The following ARHGAP39 variants were observed in gnomAD, a reference collection of about 807,000 sequenced individuals.
ARHGAP39 encodes the protein Rho GTPase activating protein 39, also known as rho GTPase-activating protein 39.
In ARHGAP39, 44 loss-of-function variants were observed where a neutral mutation model predicts 106.9. That is an observed-to-expected ratio of 0.41 (90% CI 0.32 to 0.53). The LOEUF is 0.53. Among genes scored for constraint, ARHGAP39 ranks in the 20% least tolerant of loss-of-function variants. The pLI is 0.21. For missense variants in ARHGAP39, 1,496 were observed against 1,577.3 expected (o/e 0.95, Z 0.87); for synonymous variants, 768 against 693.2 (o/e 1.11, Z -1.69).
chr8:144,549,331 C>T (rs1456087204), intron 4 of ARHGAP39, among the ~76,000 whole-genome samples: 4 of 152,272 alleles, frequency 2.6e-5, no homozygotes, highest in Non-Finnish European at 5.9e-5. Context: ...CCACCACCTT[C>T]TGTCTCCTGG....
At chr8:144,698,839 C>T in the ARHGAP39 span, 1 of 455,852 alleles carries the variant, frequency 2.2e-6, no homozygotes, top group Non-Finnish European at 4.4e-6. Context: ...CACAGCTTCA[C>T]CTCTAAGGAC....
chr8:144,681,817 G>A (rs1363907128), intron 1 of ARHGAP39, among the ~76,000 whole-genome samples: 1 of 152,136 alleles, frequency 6.6e-6, no homozygotes, highest in Admixed American at 6.6e-5. Context: ...AAGGTGGAAG[G>A]GTTTTCCCTA....
At chr8:144,662,468 T>C (rs879588934) in intron 1 of ARHGAP39, among the ~76,000 whole-genome samples, 99 of 99,196 alleles carry the variant, frequency 1.0e-3, no homozygotes, top group East Asian at 1.5e-3. Context: ...CCACCTTGGG[T>C]CACTCCTCCC....
In ARHGAP39 at chr8:144,591,276, G is replaced by A. The variant is rs1282267740; in HGVS notation, c.81-9999C>T. 6.6e-6 allele frequency among the ~76,000 whole-genome samples: 1 copy of A among 152,162 alleles called. No individual in the cohort carries two copies. The highest frequency in any genetic ancestry group is 2.1e-4 in the South Asian group (1 of 4,830). ...GCACAGACCTGCAGGGGAGGGTGGC[G>A]CGTGTGAGGAGCACCTGCTGGGACA... On this transcript the variant is annotated intron_variant, in intron 2 of 11. Coordinates refer to ENST00000377307, the MANE Select transcript of ARHGAP39 (RefSeq NM_025251.3). This position sits in a 1 kb window ranked among gnomAD's most constrained non-coding sequence, Gnocchi z 5.3.
intron 2 of ARHGAP39, among the ~76,000 whole-genome samples, chr8:144,601,455 TG>T (rs1819936231): frequency 6.9e-6 from 1 of 143,954 alleles, no homozygotes; most frequent in Non-Finnish European, 1.5e-5. Flanking sequence ...CCTGTGTGCA[TG>T]TGCGTGGAGG....
At chr8:144,639,939 A>G (rs1371147516) in intron 1 of ARHGAP39, among the ~76,000 whole-genome samples, 1 of 152,192 alleles carries the variant, frequency 6.6e-6, no homozygotes, top group Non-Finnish European at 1.5e-5. Flanking sequence ...GCACTGACAC[A>G]ATAATTTACT....
intron 6 of ARHGAP39, among the ~76,000 whole-genome samples, chr8:144,538,796 C>T (rs1817068082): frequency 6.6e-6 from 1 of 152,084 alleles, no homozygotes; most frequent in Non-Finnish European, 1.5e-5. Context: ...GTCTTGAACT[C>T]TTGACCTCAA....
chr8:144,661,289 A>G (rs1438754253), intron 1 of ARHGAP39, among the ~76,000 whole-genome samples: 1 of 152,154 alleles, frequency 6.6e-6, no homozygotes, highest in African/African-American at 2.4e-5. Context: ...TCTGTGAGCA[A>G]CATCTCAGCC....
chr8:144,567,302 T>C (rs1375078718), intron 3 of ARHGAP39, among the ~76,000 whole-genome samples: 2 of 152,100 alleles, frequency 1.3e-5, no homozygotes, highest in Non-Finnish European at 2.9e-5. Flanking sequence ...TGAGGGGACA[T>C]AGTGAGGAGT....
upstream of ARHGAP39, among the ~76,000 whole-genome samples, chr8:144,687,799 T>C (rs2129797543): frequency 8.0e-6 from 1 of 125,316 alleles, no homozygotes; most frequent in African/African-American, 3.2e-5. Context: ...TCCCACCCCG[T>C]GACCACACAC....
At chr8:144,667,699 G>A (rs1821998886) in intron 1 of ARHGAP39, among the ~76,000 whole-genome samples, 1 of 152,206 alleles carries the variant, frequency 6.6e-6, no homozygotes, top group Non-Finnish European at 1.5e-5. Flanking sequence ...CTTGAATCCT[G>A]GCTCCGCCTA....
chr8:144,684,176 G>A lies in ARHGAP39; in HGVS notation c.-82+1510C>T, dbSNP rs1012259448. ...AAGACAGCTGGCTACACCAAGTGCA[G>A]GGAGCGAGGCGCCACCCCCATTCAT... On this transcript the variant is annotated intron_variant, in intron 1 of 11. Transcript: ENST00000377307. The surrounding 1 kb of genome is among the most constrained non-coding windows in gnomAD (Gnocchi z 4.4). Among the ~76,000 whole-genome samples, 1 of 152,226 alleles carries A rather than the reference G, an allele frequency of 6.6e-6. No homozygotes were observed. The highest frequency in any genetic ancestry group is 1.5e-5 in the Non-Finnish European group (1 of 68,050).
intron 3 of ARHGAP39, among the ~76,000 whole-genome samples, chr8:144,562,187 A>C (rs559165496): frequency 1.4e-5 from 2 of 147,264 alleles, no homozygotes; most frequent in African/African-American, 5.1e-5. Context: ...ATCACATCCC[A>C]GTGGTTTCCA....
chr8:144,662,997 G>C (rs1821872736), intron 1 of ARHGAP39, among the ~76,000 whole-genome samples: 2 of 127,906 alleles, frequency 1.6e-5, no homozygotes, highest in Non-Finnish European at 3.2e-5. Context: ...CCTTGGACCA[G>C]TCCTCCCCAT....
chr8:144,554,052 A>G (rs967360775), intron 4 of ARHGAP39, among the ~76,000 whole-genome samples: 1 of 152,262 alleles, frequency 6.6e-6, no homozygotes, highest in African/African-American at 2.4e-5. Flanking sequence ...AGCAGGCTGA[A>G]TCGTCAGCCA....
intron 1 of ARHGAP39, among the ~76,000 whole-genome samples, chr8:144,629,010 C>T (rs909347905): frequency 6.6e-6 from 1 of 152,222 alleles, no homozygotes; most frequent in South Asian, 2.1e-4. Flanking sequence ...GCACCTGCCA[C>T]GCGCTTCCCA....
rs192515078 is a variant in ARHGAP39 at position 144,644,371 on chromosome 8, G to A, written c.-81-38676C>T. ...CCATGTCCATGAAGTGACCAGGAGC[G>A]GCAGATCGGCAGAGATGGAGGCGGC... On this transcript the variant is annotated intron_variant, in intron 1 of 11. Coordinates refer to ENST00000377307, the MANE Select transcript of ARHGAP39 (RefSeq NM_025251.3). The surrounding 1 kb of genome is among the most constrained non-coding windows in gnomAD (Gnocchi z 4.8). Among the ~76,000 whole-genome samples, 25 of 152,240 alleles carry A rather than the reference G, an allele frequency of 1.6e-4. No individual in the cohort carries two copies. The highest frequency in any genetic ancestry group is 2.9e-4 in the Non-Finnish European group (20 of 68,016).
At chr8:144,694,770 G>A in the ARHGAP39 span, among the ~76,000 whole-genome samples, 87 of 152,306 alleles carry the variant, frequency 5.7e-4, no homozygotes, top group African/African-American at 2.0e-3. Context: ...GCTGCTGAAA[G>A]GTGGCAGCTG....
At chr8:144,557,653 G>A (rs201150322) in intron 3 of ARHGAP39, among the ~76,000 whole-genome samples, 146 of 8,564 alleles carry the variant, frequency 0.017, no homozygotes, top group East Asian at 0.03. Flanking sequence ...CTGAACCTTC[G>A]TAGTATTCAG....
Sources: allele counts gnomAD v4.1 joint callset (sites outside exome capture counted in the v4.1 genomes callset), GRCh38; gene constraint gnomAD v4.1.1; non-coding constraint Gnocchi (gnomAD v3.1); transcripts MANE v1.5; gene names NCBI Gene and HGNC (gene_info 2026-07-23, HGNC 2026-07-21).